Variants in MICAL2 observed in about 807,000 individuals in gnomAD.
MICAL2 encodes the protein [F-actin]-monooxygenase MICAL2.
MICAL2 carries 77 observed loss-of-function variants against 127.3 expected under a neutral mutation model. That is an observed-to-expected ratio of 0.60 (90% CI 0.50 to 0.73). The LOEUF (loss-of-function observed/expected upper bound fraction) is 0.73, where lower values mean the gene tolerates loss of function less well. Ranked by LOEUF, MICAL2 falls within the 30% of genes least tolerant of loss-of-function variation. The pLI is 0.00. For synonymous variants in MICAL2, 570 were observed against 551.1 expected (o/e 1.03, Z -0.48); for missense variants, 1,351 against 1,434.4 (o/e 0.94, Z 0.94).
downstream of MICAL2, chr11:12,294,279 C>A: frequency 6.2e-7 from 1 of 1,614,170 alleles, no homozygotes; most frequent in East Asian, 2.2e-5. Flanking sequence ...TCTCTAGAGC[C>A]CCTCCTTTCC....
chr11:12,285,950 G>A (rs2134772624), intron 2 of MICAL2, among the ~76,000 whole-genome samples: 1 of 152,168 alleles, frequency 6.6e-6, no homozygotes, highest in East Asian at 1.9e-4. Context: ...GATGTTCACC[G>A]TCCCCATCCT....
At chr11:12,351,189 T>G (rs1259569673) in intron 33 of MICAL2, among the ~76,000 whole-genome samples, 1 of 152,168 alleles carries the variant, frequency 6.6e-6, no homozygotes, top group Non-Finnish European at 1.5e-5. Context: ...CGTGGACATA[T>G]CTTTTAGGGA....
chr11:12,273,382 A>G (rs886421107), upstream of MICAL2, among the ~76,000 whole-genome samples: 2 of 152,160 alleles, frequency 1.3e-5, no homozygotes, highest in African/African-American at 2.4e-5. Flanking sequence ...CACCATCGCC[A>G]TGTCATTATT....
intron 12 of MICAL2, among the ~76,000 whole-genome samples, chr11:12,224,049 T>C (rs1857123962): frequency 1.3e-5 from 2 of 152,152 alleles, no homozygotes. Flanking sequence ...CAAACTCAGC[T>C]GTACTCCTCC....
At chr11:12,311,344 A>C (rs965006955) in intron 29 of MICAL2, among the ~76,000 whole-genome samples, 4 of 152,020 alleles carry the variant, frequency 2.6e-5, no homozygotes, top group Non-Finnish European at 5.9e-5. Context: ...ATGTTTATAA[A>C]TGATGTTGGC....
At chr11:12,163,304 G>C (rs1855066332) in intron 3 of MICAL2, among the ~76,000 whole-genome samples, 1 of 152,196 alleles carries the variant, frequency 6.6e-6, no homozygotes, top group Non-Finnish European at 1.5e-5. Context: ...CTGAGCACTG[G>C]TGCAGGCTGT....
upstream of MICAL2, chr11:12,276,059 C>G (rs1346850209): frequency 2.5e-6 from 1 of 399,110 alleles, no homozygotes; most frequent in Non-Finnish European, 4.4e-6. Flanking sequence ...GGGACGCTGC[C>G]TCTCCCCTGC....
intron 29 of MICAL2, among the ~76,000 whole-genome samples, chr11:12,315,334 C>T (rs1286581715): frequency 6.6e-6 from 1 of 152,188 alleles, no homozygotes; most frequent in Non-Finnish European, 1.5e-5. Flanking sequence ...ACATTTCCCT[C>T]TGGGCACTGC....
At chr11:12,145,217 G>A (rs983132913) in intron 2 of MICAL2, among the ~76,000 whole-genome samples, 1 of 152,186 alleles carries the variant, frequency 6.6e-6, no homozygotes, top group Admixed American at 6.5e-5. Context: ...TTTTCCAGCA[G>A]AACAAAATGG....
At chr11:12,188,416 G>A (rs1858606522) in intron 3 of MICAL2, among the ~76,000 whole-genome samples, 1 of 152,172 alleles carries the variant, frequency 6.6e-6, no homozygotes. Context: ...AATATTTGAA[G>A]ACTTTTTTTT....
intron 21 of MICAL2, among the ~76,000 whole-genome samples, chr11:12,245,217 C>A (rs1401806780): frequency 1.3e-5 from 2 of 152,116 alleles, no homozygotes; most frequent in African/African-American, 4.8e-5. Context: ...TTGGAGTCTT[C>A]CCCCACTCCA....
At chr11:12,258,276 C>T (rs1380974587) in intron 24 of MICAL2, among the ~76,000 whole-genome samples, 192 bp from the exon 25 acceptor site, 1 of 152,132 alleles carries the variant, frequency 6.6e-6, no homozygotes, top group African/African-American at 2.4e-5. Context: ...CAGCAAAGGG[C>T]CCTCCTACCT....
intron 32 of MICAL2, among the ~76,000 whole-genome samples, chr11:12,344,096 G>C (rs770559660): frequency 1.3e-5 from 2 of 152,152 alleles, no homozygotes; most frequent in Non-Finnish European, 2.9e-5. Context: ...AGGAGTTCAA[G>C]ACCAGCCTGG....
At chr11:12,313,983 T>TTTTTTTTG (rs1555020731) in intron 29 of MICAL2, among the ~76,000 whole-genome samples, 1 of 127,558 alleles carries the variant, frequency 7.8e-6, no homozygotes, top group Non-Finnish European at 1.6e-5. Context: ...TTTTTTTTTT[T>TTTTTTTTG]GATAGCTATA....
chr11:12,305,662 C>A lies in MICAL2; in HGVS notation c.5212+10805C>A, dbSNP rs112496773. 7.9e-5 allele frequency among the ~76,000 whole-genome samples: 12 copies of A among 152,260 alleles called. 1 individual carries two copies. Among genetic ancestry groups the A allele is most frequent in the African/African-American group, 2.6e-4 (11 of 41,546 alleles). On this transcript the variant is annotated intron_variant, in intron 29 of 34. Coordinates refer to the MICAL2 transcript ENST00000646065. ...AAAATATCTTACTGTAGTGTACTCA[C>A]CTATTTTTTTACCACAGTCAACTGT...
downstream of MICAL2, chr11:12,293,474 G>A (rs559019256): frequency 1.1e-4 from 159 of 1,458,814 alleles, no homozygotes; most frequent in Non-Finnish European, 1.2e-4. Flanking sequence ...AAAACAGGGA[G>A]GGGGTTGTAG....
intron 1 of MICAL2, among the ~76,000 whole-genome samples, chr11:12,132,301 C>G (rs186014166): frequency 1.9e-3 from 282 of 152,284 alleles, no homozygotes; most frequent in Non-Finnish European, 3.2e-3. Flanking sequence ...ACATTCCACT[C>G]TCTTTCAGAT....
chr11:12,176,045 AG>A (rs1856808120), intron 3 of MICAL2, among the ~76,000 whole-genome samples: 1 of 152,166 alleles, frequency 6.6e-6, no homozygotes, highest in African/African-American at 2.4e-5. Flanking sequence ...AAAAACGTAA[AG>A]GAAGACTAGG....
intron 15 of MICAL2, among the ~76,000 whole-genome samples, chr11:12,234,120 A>G (rs1367359294): frequency 6.6e-6 from 1 of 152,132 alleles, no homozygotes; most frequent in Non-Finnish European, 1.5e-5. Flanking sequence ...GAGTCTTCTT[A>G]GGAGCTGCTG....
Sources: allele counts gnomAD v4.1 joint callset (sites outside exome capture counted in the v4.1 genomes callset), GRCh38; gene constraint gnomAD v4.1.1; transcripts MANE v1.5; gene names NCBI Gene and HGNC (gene_info 2026-07-23, HGNC 2026-07-21).